The following LMTK3 variants were observed in gnomAD, a reference collection of about 807,000 sequenced individuals.
LMTK3 encodes the protein serine/threonine-protein kinase LMTK3.
In LMTK3, 27 loss-of-function variants were observed where a neutral mutation model predicts 116.7. The ratio of observed to expected loss-of-function variants is 0.23; its 90% CI spans 0.17 to 0.32. LMTK3 has a LOEUF of 0.32. Ranked by LOEUF, LMTK3 falls within the 10% of genes least tolerant of loss-of-function variation. The pLI is 1.00. For missense variants in LMTK3, 1,764 were observed against 2,068.5 expected, an observed-to-expected ratio of 0.85 and a Z score of 2.86; for synonymous variants, 965 against 971.0, an observed-to-expected ratio of 0.99 and a Z score of 0.11.
At chr19:48,486,780 AC>A (rs957206894) in intron 14 of LMTK3, among the ~76,000 whole-genome samples, 1 of 151,236 alleles carries the variant, frequency 6.6e-6, no homozygotes, top group Admixed American at 6.6e-5. Flanking sequence ...CTCGTGATCC[AC>A]CCACCTCAGC....
At chr19:48,489,220 C>T (rs540506084) in intron 14 of LMTK3, among the ~76,000 whole-genome samples, 2 of 152,196 alleles carry the variant, frequency 1.3e-5, no homozygotes, top group Non-Finnish European at 2.9e-5. Flanking sequence ...ATGGCGCCTG[C>T]ACGCAGAAGA....
chr19:48,500,568 G>A lies in LMTK3; in HGVS notation c.1151+428C>T, dbSNP rs1972446020. Among the ~76,000 whole-genome samples the A allele has an allele frequency of 6.6e-6, 1 of 152,150 alleles. No individual in the cohort carries two copies. Among genetic ancestry groups the A allele is most frequent in the Admixed American group, 6.5e-5 (1 of 15,276 alleles). ...CCAGGGAGAAGAGGGGACAGCAGAC[G>A]GTAGAGATTCAGAGGAGGTAACTGG... On this transcript the variant is annotated intron_variant, in intron 10 of 14. Coordinates refer to ENST00000600059, the MANE Select transcript of LMTK3 (RefSeq NM_001388485.1). The surrounding 1 kb of genome is among the most constrained non-coding windows in gnomAD (Gnocchi z 4.0).
rs1400123399 is a variant in LMTK3, at chr19:48,511,754, C to T, written c.-178G>A. ...TGCTTGCTGGCTCAGGTACCCCCCTCCCCCTCTTTGAAGGGACAGACGGAT... is the reference window on the plus strand; with the variant it reads ...TGCTTGCTGGCTCAGGTACCCCCCTTCCCCTCTTTGAAGGGACAGACGGAT... On this transcript the variant is annotated 5_prime_UTR_variant, in exon 1 of 15. Transcript: ENST00000600059. 1.2e-5 allele frequency: 5 copies of T among 410,464 alleles called. No individual in the cohort carries two copies. The highest frequency in any genetic ancestry group is 8.4e-5 in the African/African-American group (4 of 47,706). The allele number at this position is 410,464 out of a possible 1,614,324, so 25.4% of individuals were successfully genotyped here. A position where few individuals can be genotyped will look rare whatever the true frequency, so the allele number is the denominator to read the frequency against.
chr19:48,502,592 G>A lies in LMTK3; in HGVS notation c.646-11C>T, dbSNP rs757795582. 4 of 1,527,070 alleles carry A rather than the reference G, an allele frequency of 2.6e-6. No individual in the cohort carries two copies. The highest frequency in any genetic ancestry group is 4.3e-5 in the Admixed American group (2 of 46,454). The allele number at this position is 1,527,070 out of a possible 1,614,324, so 94.6% of individuals were successfully genotyped here. On this transcript the variant is annotated splice_polypyrimidine_tract_variant and intron_variant, in intron 6 of 14. Coordinates refer to ENST00000600059, the MANE Select transcript of LMTK3 (RefSeq NM_001388485.1). Reference sequence around the variant, plus strand: ...ACGCTTCAGGTCCCCCTGGGAGGGAGGCAAAGAAGGTCAGCACCACCAGCC... The same window carrying A: ...ACGCTTCAGGTCCCCCTGGGAGGGAAGCAAAGAAGGTCAGCACCACCAGCC...
Position 48,509,524 on chromosome 19 carries a change from C to A in LMTK3, c.362-11G>T. ...GGGGGGTGGTCATGTCTGGGGAGGG[C>A]AAGAGGGGAAAGCCCCTGAGTCTCT... On this transcript the variant is annotated splice_polypyrimidine_tract_variant and intron_variant, in intron 3 of 14. Transcript: ENST00000600059. 1 of 1,545,322 alleles carries A rather than the reference C, an allele frequency of 6.5e-7. No individual in the cohort carries two copies. The highest frequency in any genetic ancestry group is 1.2e-5 in the South Asian group (1 of 82,854).
intron 14 of LMTK3, among the ~76,000 whole-genome samples, chr19:48,490,504 G>A (rs566531525): frequency 1.6e-5 from 2 of 129,010 alleles, no homozygotes; most frequent in Admixed American, 9.3e-5. Context: ...CAGCCTGGGC[G>A]ACAGAGCGAG....
chr19:48,490,887 G>C (rs1309210860), intron 14 of LMTK3, among the ~76,000 whole-genome samples: 1 of 152,196 alleles, frequency 6.6e-6, no homozygotes, highest in Admixed American at 6.5e-5. Context: ...GAGGCTCGGG[G>C]GTTGGGGACG....
intron 7 of LMTK3, 22 bp downstream of exon 7, chr19:48,502,411 C>T (rs1229044781): frequency 6.2e-7 from 1 of 1,605,836 alleles, no homozygotes; most frequent in African/African-American, 1.3e-5. Flanking sequence ...TAGCTCCTCC[C>T]GCGGCTCCCC....
chr19:48,488,433 A>T (rs2051445338), intron 14 of LMTK3, among the ~76,000 whole-genome samples: 1 of 150,562 alleles, frequency 6.6e-6, no homozygotes, highest in East Asian at 2.0e-4. Context: ...CCCCCAAGAG[A>T]CCCCAGAGCA....
In LMTK3 at chr19:48,497,782, CCA is replaced by C; in HGVS notation, c.3285_3286del (p.Pro1099GlufsTer440). The C allele has an allele frequency of 7.3e-7, 1 of 1,368,978 alleles. No individual in the cohort carries two copies. Among genetic ancestry groups the C allele is most frequent in the Non-Finnish European group, 9.4e-7 (1 of 1,066,974 alleles). The allele number at this position is 1,368,978 out of a possible 1,614,324, so 84.8% of individuals were successfully genotyped here. A position where few individuals can be genotyped will look rare whatever the true frequency, so the allele number is the denominator to read the frequency against. ...AGCCCCTGGGGCTCTCGGCGCCCCC[CCA>C]GTCTCGGGGGCTCTCCTCTCGGTCC... is the stretch of plus-strand genomic sequence containing the variant. On this transcript the variant is annotated frameshift_variant, in exon 11 of 15. Coordinates refer to ENST00000600059, the MANE Select transcript of LMTK3 (RefSeq NM_001388485.1). LOFTEE classifies it high-confidence loss of function. The surrounding 1 kb of genome is among the most constrained non-coding windows in gnomAD (Gnocchi z 5.7).
chr19:48,499,776 G>A lies in LMTK3; in HGVS notation c.1293C>T (p.Phe431=). 1 of 1,217,190 alleles carries A rather than the reference G, an allele frequency of 8.2e-7. No individual in the cohort carries two copies. The highest frequency in any genetic ancestry group is 4.4e-5 in the East Asian group (1 of 22,712). 75.4% of individuals were successfully genotyped at this position (1,217,190 alleles called of 1,614,324 possible). ...PPPPPPRDGP[F]PWPWPPAHSA... is the part of the protein sequence containing the mutation. ...TGTGTGCAGGGGGCCAGGGCCAGGG[G>A]AAGGGACCGTCTCGGGGTGGGGGTG... Residue 431 remains phenylalanine, a synonymous_variant, in exon 11 of 15, where the codon TTC becomes TTT. Transcript: ENST00000600059.
chr19:48,490,090 T>C (rs1029549128), intron 14 of LMTK3, among the ~76,000 whole-genome samples: 4 of 152,182 alleles, frequency 2.6e-5, no homozygotes, highest in African/African-American at 9.7e-5. Context: ...ATTAGCGATA[T>C]GGCGCATGTG....
chr19:48,512,898 T>G, upstream of LMTK3, among the ~76,000 whole-genome samples: 1 of 151,914 alleles, frequency 6.6e-6, no homozygotes, highest in Non-Finnish European at 1.5e-5. Context: ...AGCACAGACA[T>G]AGGCACACAG....
At chr19:48,510,750 A>AGTTGT (rs1201509165) in intron 1 of LMTK3, among the ~76,000 whole-genome samples, 158 bp from the exon 2 acceptor site, 1 of 151,972 alleles carries the variant, frequency 6.6e-6, no homozygotes, top group African/African-American at 2.4e-5. Context: ...GCATTGTGGG[A>AGTTGT]GTTGTAGTTT....
intron 11 of LMTK3, among the ~76,000 whole-genome samples, chr19:48,495,500 C>A (rs1465605833): frequency 6.6e-6 from 1 of 152,202 alleles, no homozygotes; most frequent in Non-Finnish European, 1.5e-5. Context: ...TCCTCTGACG[C>A]ATCTTAGCTG....
chr19:48,497,919 G>C lies in LMTK3; in HGVS notation c.3150C>G (p.Thr1050=). 6.6e-7 allele frequency: 1 copy of C among 1,525,078 alleles called. No homozygotes were observed. The highest frequency in any genetic ancestry group is 8.8e-7 in the Non-Finnish European group (1 of 1,141,874). The allele number at this position is 1,525,078 out of a possible 1,614,324, so 94.5% of individuals were successfully genotyped here. ...APTIGEPAPE[T]SLERAPAPSA... is the part of the protein sequence containing the mutation. ...TGGGTGCAGGGGCTCTCTCCAGAGA[G>C]GTCTCTGGGGCTGGCTCCCCGATCG... is the stretch of plus-strand genomic sequence containing the variant. Residue 1050 remains threonine (T), a synonymous_variant, in exon 11 of 15, where the codon ACC becomes ACG. Transcript: ENST00000600059. This position sits in a 1 kb window ranked among gnomAD's most constrained non-coding sequence, Gnocchi z 5.7.
intron 14 of LMTK3, 94 bp from the exon 15 acceptor site, chr19:48,485,883 C>T: frequency 1.6e-6 from 2 of 1,254,326 alleles, no homozygotes; most frequent in Non-Finnish European, 2.2e-6. Flanking sequence ...AGCCCTCACC[C>T]ACCATGGCCC....
chr19:48,509,148 GATGGACGC>G (rs1257741495), intron 4 of LMTK3, among the ~76,000 whole-genome samples, 179 bp from the exon 5 acceptor site: 3 of 152,272 alleles, frequency 2.0e-5, no homozygotes, highest in Non-Finnish European at 2.9e-5. Context: ...CCCAGAATCC[GATGGACGC>G]AGGGACGGAT....
Position 48,493,977 on chromosome 19 carries a change from G to A in LMTK3, c.3809C>T (p.Ala1270Val), listed in dbSNP as rs1275727442. The A allele has an allele frequency of 9.5e-7, 1 of 1,049,882 alleles. No individual in the cohort carries two copies. Among genetic ancestry groups the A allele is most frequent in the South Asian group, 4.3e-5 (1 of 23,296 alleles). 65.0% of individuals were successfully genotyped at this position (1,049,882 alleles called of 1,614,324 possible). ...CCCGTCCTCCTCCGCCGGCCCCGGC[G>A]CTCCCGCCCCGCCGGCCTCCCCGCC... ...AAGGEAGGAG[A>V]PGPAEEDGED... The change falls in exon 12 of 15, where the codon GCG (alanine) becomes GTG (valine). Residue 1270 changes from alanine (A) to valine (V), a missense_variant. This residue lies in a region of LMTK3 where 281 missense variants were observed against 301.4 expected (regional missense o/e 0.93). Coordinates refer to ENST00000600059, the MANE Select transcript of LMTK3 (RefSeq NM_001388485.1).
Sources: allele counts gnomAD v4.1 joint callset (sites outside exome capture counted in the v4.1 genomes callset), GRCh38; gene constraint gnomAD v4.1.1; regional missense constraint gnomAD v4.1.1; non-coding constraint Gnocchi (gnomAD v3.1); transcripts MANE v1.5; gene names NCBI Gene and HGNC (gene_info 2026-07-23, HGNC 2026-07-21).